The following AKAP13 variants were observed in gnomAD, a reference collection of about 807,000 sequenced individuals.
The protein encoded by AKAP13 is A-kinase anchor protein 13.
A neutral mutation model predicts 264.5 loss-of-function variants in AKAP13; 80 were observed. That is an observed-to-expected ratio of 0.30 (90% CI 0.25 to 0.36). The LOEUF (loss-of-function observed/expected upper bound fraction) is 0.36, where lower values mean the gene tolerates loss of function less well. Ranked by LOEUF, AKAP13 falls within the 10% of genes least tolerant of loss-of-function variation. The probability of loss-of-function intolerance (pLI) is 1.00; values close to 1 mark genes in which losing one functional copy is unlikely to be tolerated. For missense variants in AKAP13, 3,712 were observed against 3,435.2 expected (o/e 1.08, Z -2.01); for synonymous variants, 1,380 against 1,250.2 (o/e 1.10, Z -2.19).
At position 85,381,043 on chromosome 15, in the gene AKAP13, C is replaced by T. The variant is rs1406312666; in HGVS notation, c.-12+245C>T. 5.3e-5 allele frequency among the ~76,000 whole-genome samples: 8 copies of T among 152,122 alleles called. No individual in the cohort carries two copies. The East Asian group carries it at 1.4e-3, about 26-fold the overall frequency. ...CGCATTGTCTGCTTGGGGCTCGGCG[C>T]GCCTCCCACTCCGCAGCCCAACTTA... On this transcript the variant is annotated intron_variant, in intron 1 of 36. Transcript: ENST00000394518.
At chr15:85,396,695 A>G (rs768049087) in intron 1 of AKAP13, among the ~76,000 whole-genome samples, 20 of 152,192 alleles carry the variant, frequency 1.3e-4, no homozygotes, top group Non-Finnish European at 2.9e-4. Flanking sequence ...TTTCCAGGAT[A>G]TGAAACAGAC....
intron 16 of AKAP13, among the ~76,000 whole-genome samples, chr15:85,687,073 G>A (rs893627714): frequency 3.3e-5 from 5 of 151,994 alleles, no homozygotes; most frequent in African/African-American, 9.7e-5. Context: ...TCATGGATAA[G>A]GTAAAACATA....
At chr15:85,539,415 G>T (rs1440807865) in intron 4 of AKAP13, among the ~76,000 whole-genome samples, 1 of 152,050 alleles carries the variant, frequency 6.6e-6, no homozygotes, top group East Asian at 1.9e-4. Flanking sequence ...GGGACTTTAG[G>T]TTTTTTAAGA....
chr15:85,382,092 C>A (rs2014102), intron 1 of AKAP13: 38,821 of 152,052 alleles, frequency 0.26, 6,594 homozygotes, highest in Middle Eastern at 0.39. Flanking sequence ...GTTTGTGTGG[C>A]TTATTATATG....
intron 1 of AKAP13, among the ~76,000 whole-genome samples, chr15:85,386,909 G>A (rs1280299873): frequency 6.6e-6 from 1 of 152,140 alleles, no homozygotes; most frequent in Non-Finnish European, 1.5e-5. Context: ...CAGGTAGTGT[G>A]AGTTATCTTA....
chr15:85,593,921 C>G (rs905420884), intron 8 of AKAP13, among the ~76,000 whole-genome samples: 1 of 152,126 alleles, frequency 6.6e-6, no homozygotes, highest in Non-Finnish European at 1.5e-5. Flanking sequence ...AATTTTGATT[C>G]ATTTATTTAG....
chr15:85,607,809 T>A (rs534810930), intron 8 of AKAP13, among the ~76,000 whole-genome samples: 77 of 152,358 alleles, frequency 5.1e-4, no homozygotes, highest in Admixed American at 9.2e-4. Flanking sequence ...AAATATGTGT[T>A]CTAGTTAAGT....
At chr15:85,493,774 C>G (rs1469059628) in intron 2 of AKAP13, among the ~76,000 whole-genome samples, 4 of 152,148 alleles carry the variant, frequency 2.6e-5, no homozygotes, top group African/African-American at 9.7e-5. Flanking sequence ...AGATACAAAG[C>G]ATAGTCTTGT....
chr15:85,381,840 C>G (rs2070294711), intron 1 of AKAP13: 1 of 152,022 alleles, frequency 6.6e-6, no homozygotes, highest in African/African-American at 2.4e-5. Flanking sequence ...CCCCCCACAA[C>G]AAGTGTTTTA....
chr15:85,606,687 G>A (rs1366197187), intron 8 of AKAP13, among the ~76,000 whole-genome samples: 3 of 152,196 alleles, frequency 2.0e-5, no homozygotes, highest in African/African-American at 7.2e-5. Flanking sequence ...AGATCTTAAA[G>A]ACTTTTCCGG....
chr15:85,664,438 C>A, intron 12 of AKAP13, 125 bp from the exon 13 acceptor site: 3 of 927,426 alleles, frequency 3.2e-6, no homozygotes, highest in African/African-American at 1.7e-5. Flanking sequence ...CCCTTTTAGA[C>A]AGTTTTGCTA....
chr15:85,722,814 A>G (rs1199161750), intron 25 of AKAP13, among the ~76,000 whole-genome samples: 3 of 152,172 alleles, frequency 2.0e-5, no homozygotes, highest in Non-Finnish European at 4.4e-5. Flanking sequence ...TGTCCCTCCT[A>G]GAAGTCTTTA....
intron 1 of AKAP13, among the ~76,000 whole-genome samples, chr15:85,466,986 A>G (rs1333634350): frequency 6.6e-6 from 1 of 151,808 alleles, no homozygotes; most frequent in Non-Finnish European, 1.5e-5. Context: ...AGCATGGACC[A>G]TTATATCCTA....
chr15:85,480,386 C>CT (rs1347570029), intron 1 of AKAP13, among the ~76,000 whole-genome samples: 1 of 152,194 alleles, frequency 6.6e-6, no homozygotes, highest in Non-Finnish European at 1.5e-5. Context: ...TGCTATGTGC[C>CT]TGTCAGTGTG....
intron 8 of AKAP13, among the ~76,000 whole-genome samples, chr15:85,622,893 G>A (rs1367276201): frequency 2.0e-5 from 3 of 152,070 alleles, no homozygotes; most frequent in Admixed American, 2.0e-4. Flanking sequence ...TGATATAAGC[G>A]TATGTGTTCT....
At chr15:85,442,341 C>G (rs1274793819) in intron 1 of AKAP13, among the ~76,000 whole-genome samples, 3 of 143,634 alleles carry the variant, frequency 2.1e-5, no homozygotes, top group African/African-American at 7.8e-5. Context: ...ACCCAGGAGG[C>G]GGAGGTTGCA....
intron 12 of AKAP13, among the ~76,000 whole-genome samples, chr15:85,660,170 T>C (rs2083274468): frequency 1.3e-5 from 2 of 152,042 alleles, no homozygotes; most frequent in Non-Finnish European, 2.9e-5. Flanking sequence ...CTGGGAAACA[T>C]GGTGAAACCT....
At chr15:85,524,014 A>G (rs2076929583) in intron 3 of AKAP13, among the ~76,000 whole-genome samples, 2 of 152,214 alleles carry the variant, frequency 1.3e-5, no homozygotes, top group Non-Finnish European at 2.9e-5. Flanking sequence ...CATGCAGTGC[A>G]CTGTGCATCC....
At chr15:85,665,676 C>G (rs11635270) in intron 13 of AKAP13, among the ~76,000 whole-genome samples, 4 of 152,046 alleles carry the variant, frequency 2.6e-5, no homozygotes, top group African/African-American at 9.7e-5. Context: ...TATCCCTCCC[C>G]CAGCCCCCTA....
Sources: allele counts gnomAD v4.1 joint callset (sites outside exome capture counted in the v4.1 genomes callset), GRCh38; gene constraint gnomAD v4.1.1; transcripts MANE v1.5; gene names NCBI Gene and HGNC (gene_info 2026-07-23, HGNC 2026-07-21).